TMEM132B: variants seen among roughly 807,000 people sequenced by gnomAD.
The protein encoded by TMEM132B is transmembrane protein 132B.
Under a neutral mutation model 90.8 loss-of-function variants are expected in TMEM132B, and 18 were observed. The observed-to-expected ratio is 0.20, with a 90% confidence interval of 0.14 to 0.29. The LOEUF (loss-of-function observed/expected upper bound fraction) is 0.29. Ranked by LOEUF, TMEM132B falls within the 10% of genes least tolerant of loss-of-function variation. The pLI is 1.00. For synonymous variants in TMEM132B, 504 were observed against 523.3 expected (o/e 0.96, Z 0.50); for missense variants, 1,096 against 1,326.8 (o/e 0.83, Z 2.70).
At chr12:125,296,011 C>T (rs75417047) in intron 1 of TMEM132B, among the ~76,000 whole-genome samples, 7,451 of 152,228 alleles carry the variant, frequency 0.049, 571 homozygotes, top group African/African-American at 0.17. Flanking sequence ...TTTCTTTTTA[C>T]ACTTAAAAAA....
intron 1 of TMEM132B, among the ~76,000 whole-genome samples, chr12:125,342,297 G>A (rs117422238): frequency 2.0e-5 from 3 of 152,306 alleles, no homozygotes; most frequent in Admixed American, 1.3e-4. Flanking sequence ...ATGGTTAGCA[G>A]TGCAATTCAT....
At chr12:125,399,273 G>A (rs1340543745) in intron 2 of TMEM132B, among the ~76,000 whole-genome samples, 4 of 152,166 alleles carry the variant, frequency 2.6e-5, no homozygotes, top group Admixed American at 6.6e-5. Context: ...AGGAGCCAGG[G>A]ATCGTAGCAG....
Position 125,585,302 on chromosome 12 carries a change from T to G in TMEM132B, c.1437+1308T>G, listed in dbSNP as rs189573532. The G allele has an allele frequency of 6.6e-5, 10 of 152,304 alleles. No individual in the cohort carries two copies. The East Asian group carries it at 1.9e-3, about 29-fold the overall frequency. 9.4% of individuals were successfully genotyped at this position (152,304 alleles called of 1,614,324 possible). On this transcript the variant is annotated intron_variant, in intron 5 of 8. Transcript: ENST00000682704. Reference sequence around the variant, plus strand: ...CCCTGCCTGGGGTTCCTGGTGGTCCTTGTATTCTGTAGGCAGGTTTGATTA... The same window carrying G: ...CCCTGCCTGGGGTTCCTGGTGGTCCGTGTATTCTGTAGGCAGGTTTGATTA...
chr12:125,482,963 G>A (rs1216565375), intron 3 of TMEM132B, among the ~76,000 whole-genome samples: 1 of 152,118 alleles, frequency 6.6e-6, no homozygotes, highest in African/African-American at 2.4e-5. Context: ...GATGAAGCTG[G>A]AAACCATCAT....
At position 125,342,733 on chromosome 12, in the gene TMEM132B, A is replaced by C. The variant is rs189792222; in HGVS notation, c.68-6719A>C. ...TCTGCTTCCTGTTCCTGTGAGCCCCAGCTTGGCCAAGCAGGGCTGCCCAGC... is the reference window on the plus strand; with the variant it reads ...TCTGCTTCCTGTTCCTGTGAGCCCCCGCTTGGCCAAGCAGGGCTGCCCAGC... On this transcript the variant is annotated intron_variant, in intron 1 of 8. Transcript: ENST00000682704. Among the ~76,000 whole-genome samples the C allele has an allele frequency of 3.9e-5, 6 of 152,154 alleles. No individual in the cohort carries two copies. The East Asian group carries it at 1.2e-3, about 29-fold the overall frequency.
At chr12:125,613,826 A>G (rs1195054470) in intron 5 of TMEM132B, among the ~76,000 whole-genome samples, 1 of 152,068 alleles carries the variant, frequency 6.6e-6, no homozygotes, top group Non-Finnish European at 1.5e-5. Flanking sequence ...ACATATTTAT[A>G]TAGTTTGTTT....
intron 1 of TMEM132B, among the ~76,000 whole-genome samples, chr12:125,195,851 C>T (rs1339026746): frequency 1.3e-5 from 2 of 152,060 alleles, no homozygotes; most frequent in East Asian, 3.9e-4. Context: ...ATGTGCTTGG[C>T]AGGGTCGAGG....
chr12:125,556,989 A>G (rs1428236098), intron 4 of TMEM132B, among the ~76,000 whole-genome samples: 3 of 152,134 alleles, frequency 2.0e-5, no homozygotes, highest in Non-Finnish European at 4.4e-5. Context: ...CTTGACTGGA[A>G]GAAAAACGAA....
intron 4 of TMEM132B, among the ~76,000 whole-genome samples, chr12:125,570,102 A>C (rs963629222): frequency 1.3e-5 from 2 of 151,390 alleles, no homozygotes; most frequent in Admixed American, 6.6e-5. Flanking sequence ...TTGAGATCCT[A>C]CTCCACCCCG....
chr12:125,651,050 G>A (rs969460666), intron 7 of TMEM132B, 97 bp downstream of exon 7: 12 of 1,467,496 alleles, frequency 8.2e-6, no homozygotes, highest in Admixed American at 1.9e-5. Context: ...ACATGTGCAT[G>A]TGGACATGTA....
chr12:125,544,887 A>G (rs532890673), intron 4 of TMEM132B, among the ~76,000 whole-genome samples: 1 of 152,278 alleles, frequency 6.6e-6, no homozygotes, highest in African/African-American at 2.4e-5. Flanking sequence ...GTAAGTGTTG[A>G]ATATCTAGCA....
rs115996373 is a variant in TMEM132B at position 125,362,456 on chromosome 12, C to T, written c.959+12113C>T. 7.8e-3 allele frequency among the ~76,000 whole-genome samples: 1,186 copies of T among 152,252 alleles called. 22 individuals carry two copies. Among genetic ancestry groups the T allele is most frequent in the African/African-American group, 0.027 (1,126 of 41,528 alleles). On this transcript the variant is annotated intron_variant, in intron 2 of 8. Transcript: ENST00000682704. Reference sequence around the variant, plus strand: ...GCCCTGGATAAGGTATATTTCTTAACATGGTAAAAAACAGTTGACATGAAA... The same window carrying T: ...GCCCTGGATAAGGTATATTTCTTAATATGGTAAAAAACAGTTGACATGAAA...
intron 3 of TMEM132B, among the ~76,000 whole-genome samples, chr12:125,483,252 AC>A (rs1482583156): frequency 1.3e-5 from 2 of 152,302 alleles, no homozygotes; most frequent in African/African-American, 2.4e-5. Flanking sequence ...AATAAAAAAA[AC>A]ATTAACAATG....
chr12:125,261,308 A>T (rs1874562691), intron 1 of TMEM132B, among the ~76,000 whole-genome samples: 1 of 152,182 alleles, frequency 6.6e-6, no homozygotes, highest in African/African-American at 2.4e-5. Context: ...ATTCAGAGTG[A>T]GTCTCCTCAG....
intron 2 of TMEM132B, among the ~76,000 whole-genome samples, chr12:125,372,170 C>T (rs759101017): frequency 6.6e-5 from 10 of 152,216 alleles, no homozygotes; most frequent in Non-Finnish European, 1.3e-4. Flanking sequence ...TGGAATCTAG[C>T]ATTTATCCCA....
intron 3 of TMEM132B, among the ~76,000 whole-genome samples, chr12:125,514,697 C>T (rs565251947): frequency 1.6e-4 from 24 of 152,320 alleles, no homozygotes; most frequent in African/African-American, 4.8e-4. Context: ...AGCTTTCGAA[C>T]TTGCCCACTC....
chr12:125,408,447 T>C lies in TMEM132B; in HGVS notation c.960-7084T>C, dbSNP rs2136334881. Among the ~76,000 whole-genome samples the C allele has an allele frequency of 6.6e-6, 1 of 152,272 alleles. No individual in the cohort carries two copies. The highest frequency in any genetic ancestry group is 3.4e-3 in the Middle Eastern group (1 of 294). On this transcript the variant is annotated intron_variant, in intron 2 of 8. Transcript: ENST00000682704. This position sits in a 1 kb window ranked among gnomAD's most constrained non-coding sequence, Gnocchi z 5.9. Reference sequence around the variant, plus strand: ...GGGTGCTCTGTCACCCCTTCCACCATGCGAGGACACAGCATGACAGCCGCA... The same window carrying C: ...GGGTGCTCTGTCACCCCTTCCACCACGCGAGGACACAGCATGACAGCCGCA...
intron 5 of TMEM132B, among the ~76,000 whole-genome samples, chr12:125,642,853 T>C (rs1042076645): frequency 6.6e-6 from 1 of 152,238 alleles, no homozygotes; most frequent in African/African-American, 2.4e-5. Context: ...TTCTCCTTGG[T>C]TTCCATGTCA....
chr12:125,284,727 C>T (rs1270383951), intron 1 of TMEM132B, among the ~76,000 whole-genome samples: 2 of 152,100 alleles, frequency 1.3e-5, no homozygotes, highest in African/African-American at 4.8e-5. Flanking sequence ...GTATACATTT[C>T]CTTTTGCACT....
Sources: gnomAD v4.1 joint callset for allele counts (sites outside exome capture counted in the v4.1 genomes callset) on GRCh38, gnomAD v4.1.1 for gene constraint, Gnocchi (gnomAD v3.1) non-coding constraint, MANE v1.5 for transcripts, NCBI Gene and HGNC (gene_info 2026-07-23, HGNC 2026-07-21) for gene names.